Variants in NEMP2 observed in about 807,000 individuals in gnomAD.
NEMP2 encodes nuclear envelope integral membrane protein 2, also known as UPF0571 transmembrane protein.
NEMP2 carries 53 observed loss-of-function variants against 54.2 expected under a neutral mutation model. The ratio of observed to expected loss-of-function variants is 0.98; its 90% CI spans 0.78 to 1.23. NEMP2 has a LOEUF of 1.23. Ranked by LOEUF, NEMP2 falls within the 50% of genes most tolerant of loss-of-function variation. The probability of loss-of-function intolerance (pLI) is 0.00; values close to 1 mark genes in which losing one functional copy is unlikely to be tolerated. For synonymous variants in NEMP2, 197 were observed against 190.3 expected (o/e 1.04, Z -0.29); for missense variants, 455 against 511.3 (o/e 0.89, Z 1.06).
chr2:190,425,194 A>G, the NEMP2 span, among the ~76,000 whole-genome samples: 1 of 152,184 alleles, frequency 6.6e-6, no homozygotes, highest in African/African-American at 2.4e-5. The surrounding 1 kb of genome is among the most constrained non-coding windows in gnomAD (Gnocchi z 4.3). Context: ...CTTATCTTGT[A>G]TCCTGTGAAC....
At chr2:190,466,446 G>C in the NEMP2 span, among the ~76,000 whole-genome samples, 1 of 152,096 alleles carries the variant, frequency 6.6e-6, no homozygotes, top group Non-Finnish European at 1.5e-5. Flanking sequence ...CTGATTTCTT[G>C]AAGCCACTGG....
At chr2:190,605,254 C>T in the NEMP2 span, among the ~76,000 whole-genome samples, 1 of 152,096 alleles carries the variant, frequency 6.6e-6, no homozygotes, top group Non-Finnish European at 1.5e-5. Flanking sequence ...GGACCAACAC[C>T]TCACAATCTT....
At chr2:190,481,325 A>G in the NEMP2 span, among the ~76,000 whole-genome samples, 2 of 152,288 alleles carry the variant, frequency 1.3e-5, no homozygotes, top group South Asian at 4.2e-4. Flanking sequence ...TGCAAGCTAG[A>G]GCTTATAGAA....
chr2:190,558,686 T>C, the NEMP2 span, among the ~76,000 whole-genome samples: 1 of 152,194 alleles, frequency 6.6e-6, no homozygotes, highest in Non-Finnish European at 1.5e-5. The surrounding 1 kb of genome is among the most constrained non-coding windows in gnomAD (Gnocchi z 4.4). Flanking sequence ...GGCTGCAGAC[T>C]CATCATAGGA....
At chr2:190,475,433 C>T in the NEMP2 span, among the ~76,000 whole-genome samples, 15 of 151,308 alleles carry the variant, frequency 9.9e-5, no homozygotes, top group Admixed American at 5.3e-4. Context: ...AGCCAAACAC[C>T]CAAATCATGA....
At chr2:190,575,629 C>G in the NEMP2 span, among the ~76,000 whole-genome samples, 2 of 152,056 alleles carry the variant, frequency 1.3e-5, no homozygotes, top group Non-Finnish European at 2.9e-5. Context: ...CCGAGGCAGG[C>G]AGATCACTTG....
chr2:190,594,145 G>A, the NEMP2 span, among the ~76,000 whole-genome samples: 1 of 152,248 alleles, frequency 6.6e-6, no homozygotes, highest in South Asian at 2.1e-4. This position sits in a 1 kb window ranked among gnomAD's most constrained non-coding sequence, Gnocchi z 5.6. Context: ...TAGTGAGCTT[G>A]AACTCATCTT....
chr2:190,617,323 G>A, the NEMP2 span, among the ~76,000 whole-genome samples: 1,974 of 140,874 alleles, frequency 0.014, 48 homozygotes, highest in African/African-American at 0.045. The surrounding 1 kb of genome is among the most constrained non-coding windows in gnomAD (Gnocchi z 5.0). Flanking sequence ...AAGGCTGAGT[G>A]ATTTTTTTTC....
the NEMP2 span, among the ~76,000 whole-genome samples, chr2:190,598,754 A>T: frequency 2.0e-5 from 3 of 152,352 alleles, no homozygotes; most frequent in Non-Finnish European, 4.4e-5. Context: ...TGCTGCACAG[A>T]CTTAAAATAT....
At chr2:190,455,373 C>T in the NEMP2 span, among the ~76,000 whole-genome samples, 1 of 152,144 alleles carries the variant, frequency 6.6e-6, no homozygotes, top group African/African-American at 2.4e-5. Context: ...TAAGTGATCA[C>T]TACTTTTTGT....
At chr2:190,436,286 A>G in the NEMP2 span, 2 of 1,614,020 alleles carry the variant, frequency 1.2e-6, no homozygotes, top group Non-Finnish European at 1.7e-6. The surrounding 1 kb of genome is among the most constrained non-coding windows in gnomAD (Gnocchi z 5.3). Context: ...GGCTCTCTCT[A>G]TCCCCTTTTG....
chr2:190,496,310 A>C, the NEMP2 span, among the ~76,000 whole-genome samples: 1 of 152,222 alleles, frequency 6.6e-6, no homozygotes, highest in Non-Finnish European at 1.5e-5. This position sits in a 1 kb window ranked among gnomAD's most constrained non-coding sequence, Gnocchi z 4.7. Context: ...AAGAATGGCC[A>C]TTATCAAATA....
At chr2:190,495,423 T>TA in the NEMP2 span, among the ~76,000 whole-genome samples, 1 of 152,030 alleles carries the variant, frequency 6.6e-6, no homozygotes, top group Non-Finnish European at 1.5e-5. This position sits in a 1 kb window ranked among gnomAD's most constrained non-coding sequence, Gnocchi z 4.7. Context: ...ACCATACTGC[T>TA]AAAAGCAATC....
At chr2:190,547,007 T>A in the NEMP2 span, among the ~76,000 whole-genome samples, 1 of 152,188 alleles carries the variant, frequency 6.6e-6, no homozygotes, top group Non-Finnish European at 1.5e-5. The surrounding 1 kb of genome is among the most constrained non-coding windows in gnomAD (Gnocchi z 6.2). Context: ...TCTCACACAA[T>A]CACAACCAAA....
the NEMP2 span, chr2:190,433,299 T>C: frequency 1.3e-5 from 2 of 152,210 alleles, no homozygotes; most frequent in Non-Finnish European, 2.9e-5. This position sits in a 1 kb window ranked among gnomAD's most constrained non-coding sequence, Gnocchi z 4.5. Flanking sequence ...GAAAATAGAT[T>C]TGAGGGCAAA....
Position 190,523,294 on chromosome 2 carries a change from C to CT in NEMP2, c.213+1968dup, listed in dbSNP as rs1306779763. ...AACACTATAAATAAATATTGAACTC[C>CT]TGTTACTAGGTTTGTTTTTTGTAAT... On this transcript the variant is annotated intron_variant, in intron 2 of 8. Transcript: ENST00000409150. The surrounding 1 kb of genome is among the most constrained non-coding windows in gnomAD (Gnocchi z 5.3). 6.6e-6 allele frequency among the ~76,000 whole-genome samples: 1 copy of CT among 152,074 alleles called. No individual in the cohort carries two copies. The highest frequency in any genetic ancestry group is 1.5e-5 in the Non-Finnish European group (1 of 68,020).
At chr2:190,573,899 G>T in the NEMP2 span, among the ~76,000 whole-genome samples, 1 of 152,112 alleles carries the variant, frequency 6.6e-6, no homozygotes. Context: ...CCAGGCATTT[G>T]TGTACATTAT....
chr2:190,469,747 T>TTTTTTA, the NEMP2 span: 551 of 1,355,590 alleles, frequency 4.1e-4, no homozygotes, highest in South Asian at 9.5e-4. This position sits in a 1 kb window ranked among gnomAD's most constrained non-coding sequence, Gnocchi z 5.3. Context: ...TTATTTTTTA[T>TTTTTTA]TTTTTTTTAG....
the NEMP2 span, among the ~76,000 whole-genome samples, chr2:190,546,270 C>T: frequency 6.6e-6 from 1 of 152,012 alleles, no homozygotes; most frequent in African/African-American, 2.4e-5. The surrounding 1 kb of genome is among the most constrained non-coding windows in gnomAD (Gnocchi z 5.1). Flanking sequence ...CACATACAGA[C>T]TGTTTTCCCT....
Sources: gnomAD v4.1 joint callset for allele counts (sites outside exome capture counted in the v4.1 genomes callset) on GRCh38, gnomAD v4.1.1 for gene constraint, Gnocchi (gnomAD v3.1) non-coding constraint, MANE v1.5 for transcripts, NCBI Gene and HGNC (gene_info 2026-07-23, HGNC 2026-07-21) for gene names.